The following CNTNAP3 variants were observed in gnomAD, a reference collection of about 807,000 sequenced individuals.
CNTNAP3 encodes the protein contactin associated protein family member 3.
A neutral mutation model predicts 92.1 loss-of-function variants in CNTNAP3; 36 were observed. The observed-to-expected ratio is 0.39, with a 90% CI of 0.30 to 0.52. The LOEUF (loss-of-function observed/expected upper bound fraction) is 0.52. Ranked by LOEUF, CNTNAP3 falls within the 20% of genes least tolerant of loss-of-function variation. The pLI, the probability that CNTNAP3 is intolerant of heterozygous loss-of-function variation, is 0.76. For missense variants in CNTNAP3, 534 were observed against 1,069.6 expected (o/e 0.50, Z 6.98); for synonymous variants, 232 against 422.3 (o/e 0.55, Z 5.53).
At chr9:39,217,400 A>ATATATATATT (rs1440827881) in intron 3 of CNTNAP3, among the ~76,000 whole-genome samples, 1 of 19,938 alleles carries the variant, frequency 5.0e-5, no homozygotes, top group African/African-American at 8.2e-5. Flanking sequence ...ATATATATAT[A>ATATATATATT]TTCATTGTGG....
At chr9:39,095,393 G>A (rs1442460983) in intron 18 of CNTNAP3, among the ~76,000 whole-genome samples, 1 of 151,470 alleles carries the variant, frequency 6.6e-6, no homozygotes, top group East Asian at 1.9e-4. Flanking sequence ...GGGCATACTT[G>A]TCGTGTTTCT....
At chr9:39,116,987 A>AATTATTATT (rs56028908) in intron 14 of CNTNAP3, among the ~76,000 whole-genome samples, 3 of 150,254 alleles carry the variant, frequency 2.0e-5, no homozygotes, top group South Asian at 2.1e-4. Flanking sequence ...TTTATTTATT[A>AATTATTATT]ATTATTATTA....
At chr9:39,087,077 TGTG>T (rs1446049167) in intron 19 of CNTNAP3, among the ~76,000 whole-genome samples, 1 of 152,062 alleles carries the variant, frequency 6.6e-6, no homozygotes, top group African/African-American at 2.4e-5. Flanking sequence ...CAAGACTAAA[TGTG>T]TTGTTAATAA....
intron 13 of CNTNAP3, among the ~76,000 whole-genome samples, chr9:39,132,577 G>A (rs905997821): frequency 2.0e-5 from 3 of 152,062 alleles, no homozygotes; most frequent in Admixed American, 6.6e-5. Flanking sequence ...GGTGGTTACC[G>A]GTTCCCACTG....
At chr9:39,137,282 CTACTAA>C (rs1821462334) in intron 12 of CNTNAP3, among the ~76,000 whole-genome samples, 1 of 151,690 alleles carries the variant, frequency 6.6e-6, no homozygotes, top group Admixed American at 6.6e-5. Context: ...TGTGCCTGGT[CTACTAA>C]TAAGCCCATC....
At position 39,132,983 on chromosome 9, in the gene CNTNAP3, C is replaced by G; in HGVS notation, c.2029G>C (p.Glu677Gln). 6.5e-7 allele frequency: 1 copy of G among 1,540,726 alleles called. No homozygotes were observed. Among genetic ancestry groups the G allele is most frequent in the Non-Finnish European group, 8.7e-7 (1 of 1,152,266 alleles). ...CCGCAGCGCAGAGCCAGCCGCTGCT[C>G]GCAGCGCTCCGCCAGGTTCACCGCG... The part of the protein sequence containing the change: ...RSAVNLAERC[E>Q]QRLALRCGTA... Residue 677 changes from glutamate (E) to glutamine (Q), a missense_variant, in exon 13 of 24, where the codon GAG (glutamate) becomes CAG (glutamine). Transcript: ENST00000297668.
rs1822830394 is a variant in CNTNAP3 at position 39,254,908 on chromosome 9, A to C, written c.196+11988T>G. On this transcript the variant is annotated intron_variant, in intron 2 of 23. Transcript: ENST00000297668. ...CCTGGCAGTGCGGTGGCCAATTTAAATGGAACCATAGGGGATTCAGTCCAT... is the reference window on the plus strand; with the variant it reads ...CCTGGCAGTGCGGTGGCCAATTTAACTGGAACCATAGGGGATTCAGTCCAT... 1.1e-4 allele frequency among the ~76,000 whole-genome samples: 2 copies of C among 18,686 alleles called. 1 individual carries two copies. Among genetic ancestry groups the C allele is most frequent in the African/African-American group, 2.5e-4 (2 of 8,124 alleles). 12.3% of individuals were successfully genotyped at this position (18,686 alleles called of 152,430 possible).
intron 21 of CNTNAP3, among the ~76,000 whole-genome samples, chr9:39,083,342 T>G (rs1291122534): frequency 6.6e-6 from 1 of 152,114 alleles, no homozygotes; most frequent in Non-Finnish European, 1.5e-5. Context: ...TCTGTTTTTT[T>G]GATATATATA....
rs1317915626 is a variant in CNTNAP3, at chr9:39,086,633, A to G, written c.3354+83T>C. On this transcript the variant is annotated intron_variant, in intron 20 of 23. Coordinates refer to ENST00000297668, the MANE Select transcript of CNTNAP3 (RefSeq NM_033655.5). ...GCACTGAATGGGTTGCTCTTCTATT[A>G]ATATTATCAAATTTTTTCATTAGAT... The G allele has an allele frequency of 2.4e-5, 31 of 1,306,736 alleles. 4 individuals are homozygous for G. Among genetic ancestry groups the G allele is most frequent in the Non-Finnish European group, 3.2e-5 (31 of 971,604 alleles). 80.9% of individuals were successfully genotyped at this position (1,306,736 alleles called of 1,614,324 possible).
chr9:39,087,739 G>A (rs1329599354), intron 19 of CNTNAP3, among the ~76,000 whole-genome samples: 8 of 152,080 alleles, frequency 5.3e-5, no homozygotes, highest in Non-Finnish European at 1.2e-4. Flanking sequence ...GCCTGCCTTG[G>A]CCTCCCAAAG....
chr9:39,064,722 CATTT>C lies in CNTNAP3; in HGVS notation c.*9164_*9167del, dbSNP rs772097290. ...TACAACATATAAACACTGTTTTTAACATTTATTACATACATAGAACATATAAGAA... is the reference window on the plus strand; with the variant it reads ...TACAACATATAAACACTGTTTTTAACATTACATACATAGAACATATAAGAA... On this transcript the variant is annotated 3_prime_UTR_variant, in exon 24 of 24. Transcript: ENST00000297668. 4.1e-4 allele frequency among the ~76,000 whole-genome samples: 62 copies of C among 152,348 alleles called. No individual in the cohort carries two copies. The Middle Eastern group carries it at 0.02, about 50-fold the overall frequency.
At chr9:39,081,616 T>A in intron 21 of CNTNAP3, among the ~76,000 whole-genome samples, 1 of 151,282 alleles carries the variant, frequency 6.6e-6, no homozygotes, top group East Asian at 2.0e-4. Context: ...GGAAAAAAAA[T>A]ATTTGAGATA....
rs1265063427 is a variant in CNTNAP3, at chr9:39,078,759, G to A, written c.3604C>T (p.Arg1202Cys). The A allele has an allele frequency of 2.7e-6, 4 of 1,489,558 alleles. No individual in the cohort carries two copies. Among genetic ancestry groups the A allele is most frequent in the Non-Finnish European group, 3.5e-6 (4 of 1,130,844 alleles). The allele number at this position is 1,489,558 out of a possible 1,614,324, so 92.3% of individuals were successfully genotyped here. Residue 1202 changes from arginine to cysteine, a missense_variant, in exon 22 of 24, where the codon CGC becomes TGC. Arg to Cys is a radical substitution (Grantham distance 180). Transcript: ENST00000297668. Reference protein sequence around the residue: ...TVRGHVAPMARCAAGAASGSP... With the variant: ...TVRGHVAPMACCAAGAASGSP... ...CCGGACGCCGCCCCCGCTGCGCAGC[G>A]GGCCATAGGGGCCACGTGGCCGCGG... is the stretch of plus-strand genomic sequence containing the variant.
intron 12 of CNTNAP3, among the ~76,000 whole-genome samples, chr9:39,139,502 C>G (rs1004379118): frequency 2.0e-5 from 3 of 152,170 alleles, no homozygotes; most frequent in Non-Finnish European, 4.4e-5. Flanking sequence ...ACTTTAAATG[C>G]CCATGTAATT....
At chr9:39,086,183 G>A in intron 20 of CNTNAP3, 2 of 379,762 alleles carry the variant, frequency 5.3e-6, no homozygotes, top group South Asian at 2.6e-5. Flanking sequence ...ACCAAGCATT[G>A]TTGTTCTCTA....
In CNTNAP3 at chr9:39,096,304, T is replaced by A. The variant is rs1049282892; in HGVS notation, c.2995+3607A>T. 2.8e-5 allele frequency among the ~76,000 whole-genome samples: 4 copies of A among 142,996 alleles called. 1 individual carries two copies. The highest frequency in any genetic ancestry group is 1.0e-4 in the African/African-American group (4 of 39,396). 93.8% of individuals were successfully genotyped at this position (142,996 alleles called of 152,430 possible). A position where few individuals can be genotyped will look rare whatever the true frequency, so the allele number is the denominator to read the frequency against. On this transcript the variant is annotated intron_variant, in intron 18 of 23. Coordinates refer to ENST00000297668, the MANE Select transcript of CNTNAP3 (RefSeq NM_033655.5). The stretch of plus-strand genomic sequence containing the variant: ...GATTCAGATTATTGTCTGGGTTATA[T>A]CCCTTCAACCTGAAGGAACGTTCTT...
At chr9:39,081,226 A>G (rs941836602) in intron 21 of CNTNAP3, among the ~76,000 whole-genome samples, 1 of 150,884 alleles carries the variant, frequency 6.6e-6, no homozygotes, top group African/African-American at 2.4e-5. Context: ...TTTATTGTTT[A>G]TCAGTTAACC....
intron 14 of CNTNAP3, among the ~76,000 whole-genome samples, chr9:39,109,790 T>C (rs1020427076): frequency 6.6e-6 from 1 of 152,148 alleles, no homozygotes; most frequent in Admixed American, 6.5e-5. Context: ...CTGATCTAAA[T>C]GATTACAGAG....
intron 10 of CNTNAP3, among the ~76,000 whole-genome samples, chr9:39,145,104 T>G (rs1451540457): frequency 1.4e-5 from 2 of 138,728 alleles, no homozygotes; most frequent in African/African-American, 5.2e-5. Context: ...ACTATAATAT[T>G]GGGGGCCTAG....
Sources: allele counts gnomAD v4.1 joint callset (sites outside exome capture counted in the v4.1 genomes callset), GRCh38; gene constraint gnomAD v4.1.1; transcripts MANE v1.5; gene names NCBI Gene and HGNC (gene_info 2026-07-23, HGNC 2026-07-21).